The following CD96 variants were observed in gnomAD, a reference collection of about 807,000 sequenced individuals.
CD96 encodes T-cell surface protein tactile.
A neutral mutation model predicts 71.3 loss-of-function variants in CD96; 70 were observed. That is an observed-to-expected ratio of 0.98 (90% confidence interval 0.81 to 1.20). The LOEUF is 1.20. CD96 is among the 50% of genes most tolerant of loss of function. The pLI is 0.00. For synonymous variants in CD96, 248 were observed against 233.0 expected (o/e 1.06, Z -0.59); for missense variants, 742 against 677.5 (o/e 1.10, Z -1.06).
chr3:111,633,514 A>G (rs1939174647), intron 10 of CD96, among the ~76,000 whole-genome samples: 1 of 152,244 alleles, frequency 6.6e-6, no homozygotes, highest in South Asian at 2.1e-4. Context: ...GTAAAAAAAT[A>G]AAAATAAAAA....
chr3:111,645,362 G>T (rs1232902620), intron 12 of CD96, among the ~76,000 whole-genome samples: 1 of 152,012 alleles, frequency 6.6e-6, no homozygotes, highest in Non-Finnish European at 1.5e-5. Context: ...GGACTTTGGG[G>T]ACTTGGAGGG....
At chr3:111,641,213 T>C (rs1392809256) in intron 12 of CD96, among the ~76,000 whole-genome samples, 1 of 152,194 alleles carries the variant, frequency 6.6e-6, no homozygotes, top group Admixed American at 6.5e-5. Context: ...GCAGAATGGA[T>C]AAGAACTTAC....
chr3:111,599,214 C>G (rs931284725), intron 6 of CD96, among the ~76,000 whole-genome samples: 1 of 152,008 alleles, frequency 6.6e-6, no homozygotes, highest in Non-Finnish European at 1.5e-5. Context: ...GTGATCCGCC[C>G]GCCTCAGCCT....
At chr3:111,578,601 T>G (rs1936327264) in intron 3 of CD96, among the ~76,000 whole-genome samples, 1 of 152,150 alleles carries the variant, frequency 6.6e-6, no homozygotes, top group African/African-American at 2.4e-5. Flanking sequence ...CTAAAGGAAT[T>G]TAGGGATAGC....
rs1183196717 is a variant in CD96, at chr3:111,561,281, C to T, written c.419-6242C>T. Among the ~76,000 whole-genome samples, 202 of 150,288 alleles carry T rather than the reference C, an allele frequency of 1.3e-3. 1 individual carries two copies. The highest frequency in any genetic ancestry group is 1.9e-3 in the Non-Finnish European group (131 of 67,490). On this transcript the variant is annotated intron_variant, in intron 2 of 13. Transcript: ENST00000352690. ...CTGTGTTCCTTTGGAGGAGGAGAGG[C>T]GCTCTGCGTTTTAGAGTTTCCAGTT...
At chr3:111,657,459 GAC>G (rs2107810486) in intron 14 of CD96, among the ~76,000 whole-genome samples, 1 of 150,984 alleles carries the variant, frequency 6.6e-6, no homozygotes, top group Non-Finnish European at 1.5e-5. Flanking sequence ...CACAAAATTT[GAC>G]TATATATTTG....
chr3:111,551,665 A>G (rs1376629424), intron 2 of CD96, among the ~76,000 whole-genome samples: 2 of 152,098 alleles, frequency 1.3e-5, no homozygotes, highest in Non-Finnish European at 2.9e-5. Flanking sequence ...TCCATCACCC[A>G]GGTATTAAGC....
rs978489768 is a variant in CD96, at chr3:111,651,422, A to G, written c.*1616A>G. 1 of 152,188 alleles carries G rather than the reference A, an allele frequency of 6.6e-6. No individual in the cohort carries two copies. The highest frequency in any genetic ancestry group is 1.5e-5 in the Non-Finnish European group (1 of 68,044). 9.4% of individuals were successfully genotyped at this position (152,188 alleles called of 1,614,324 possible). A position where few individuals can be genotyped will look rare whatever the true frequency, so the allele number is the denominator to read the frequency against. On this transcript the variant is annotated 3_prime_UTR_variant, in exon 14 of 14. Transcript: ENST00000352690. ...GGTCATGCACTTGCACAATGTTGAG[A>G]ATGAGTACCACTCTCACCATTGGTA...
At chr3:111,639,940 C>A (rs1476209443) in intron 12 of CD96, among the ~76,000 whole-genome samples, 2 of 152,186 alleles carry the variant, frequency 1.3e-5, no homozygotes, top group African/African-American at 4.8e-5. Context: ...GGAGCGTCTA[C>A]ATCAAGGGAA....
chr3:111,580,674 T>A (rs1237129329), intron 4 of CD96, among the ~76,000 whole-genome samples: 1 of 151,974 alleles, frequency 6.6e-6, no homozygotes, highest in Non-Finnish European at 1.5e-5. Flanking sequence ...TGTCCTCCCC[T>A]TCCCTCTGCA....
chr3:111,663,615 T>A (rs543361494), intron 14 of CD96, among the ~76,000 whole-genome samples: 1 of 152,226 alleles, frequency 6.6e-6, no homozygotes, highest in East Asian at 1.9e-4. Flanking sequence ...TGAAAAAATG[T>A]TCAACATCAC....
intron 12 of CD96, among the ~76,000 whole-genome samples, chr3:111,639,931 G>A (rs1939514663): frequency 6.6e-6 from 1 of 152,170 alleles, no homozygotes; most frequent in Admixed American, 6.5e-5. Context: ...GGAAAAGGGG[G>A]AGCGTCTACA....
intron 3 of CD96, among the ~76,000 whole-genome samples, chr3:111,568,055 G>A (rs1343756639): frequency 6.6e-6 from 1 of 152,138 alleles, no homozygotes; most frequent in African/African-American, 2.4e-5. Flanking sequence ...TACATCCTGG[G>A]AAATATCCAA....
In CD96 at chr3:111,545,172, A is replaced by G. The variant is rs1003049529; in HGVS notation, c.188A>G (p.Asn63Ser). 3.7e-6 allele frequency: 6 copies of G among 1,614,210 alleles called. No homozygotes were observed. In the Middle Eastern group the frequency reaches 4.9e-4, roughly 133 times the overall value. ...CAGATGCAATGGTCCAAGGTCACCA[A>G]TAAGATAGACCTGATTGCTGTCTAT... ...FVQMQWSKVTNKIDLIAVYHP... is the reference protein window; with the variant it reads ...FVQMQWSKVTSKIDLIAVYHP... The change falls in exon 2 of 14, where the codon AAT becomes AGT. Residue 63 changes from asparagine (N) to serine (S), a missense_variant. By Grantham distance (46) the Asn-to-Ser change is conservative. Coordinates refer to ENST00000352690, the MANE Select transcript of CD96 (RefSeq NM_005816.5).
At chr3:111,627,103 A>G (rs1399090254) in intron 10 of CD96, among the ~76,000 whole-genome samples, 1 of 152,228 alleles carries the variant, frequency 6.6e-6, no homozygotes, top group Non-Finnish European at 1.5e-5. Context: ...AGATAACTCA[A>G]TGAAATACTA....
intron 5 of CD96, among the ~76,000 whole-genome samples, chr3:111,586,207 G>A (rs963196158): frequency 3.3e-5 from 5 of 152,022 alleles, no homozygotes; most frequent in Non-Finnish European, 7.4e-5. Flanking sequence ...GTGGCCTTAT[G>A]ACTTTAGCCA....
rs372202612 is a variant in CD96, at chr3:111,649,853, G to A, written c.*47G>A. ...GGCAGAACTCTGCTGGAATCCTATT[G>A]AGAAGGTAGACATTGTGCTTTATTA... is the stretch of plus-strand genomic sequence containing the variant. On this transcript the variant is annotated 3_prime_UTR_variant, in exon 14 of 14. Transcript: ENST00000352690. The A allele has an allele frequency of 7.8e-6, 9 of 1,148,956 alleles. No individual in the cohort carries two copies. Among genetic ancestry groups the A allele is most frequent in the Middle Eastern group, 1.9e-4 (1 of 5,228 alleles). The allele number at this position is 1,148,956 out of a possible 1,614,324, so 71.2% of individuals were successfully genotyped here. A position where few individuals can be genotyped will look rare whatever the true frequency, so the allele number is the denominator to read the frequency against.
intron 8 of CD96, among the ~76,000 whole-genome samples, chr3:111,614,060 T>C (rs1001581175): frequency 6.6e-6 from 1 of 152,228 alleles, no homozygotes; most frequent in Admixed American, 6.5e-5. Flanking sequence ...ATATAATAAA[T>C]GTCATCTGGT....
At chr3:111,636,595 T>C (rs1001285345) in intron 10 of CD96, among the ~76,000 whole-genome samples, 1 of 152,224 alleles carries the variant, frequency 6.6e-6, no homozygotes, top group African/African-American at 2.4e-5. Flanking sequence ...AAAAGCCATA[T>C]GTGCTGTCTG....
Sources: allele counts gnomAD v4.1 joint callset (sites outside exome capture counted in the v4.1 genomes callset), GRCh38; gene constraint gnomAD v4.1.1; transcripts MANE v1.5; gene names NCBI Gene and HGNC (gene_info 2026-07-23, HGNC 2026-07-21).